Variants in NCOA2 observed in about 807,000 individuals in gnomAD.
The protein encoded by NCOA2 is class E basic helix-loop-helix protein 75.
In NCOA2, 21 loss-of-function variants were observed where a neutral mutation model predicts 145.1. The ratio of observed to expected loss-of-function variants is 0.14; its 90% CI spans 0.10 to 0.21. NCOA2 has a LOEUF of 0.21. Among genes scored for constraint, NCOA2 ranks in the 10% least tolerant of loss-of-function variants. The pLI is 1.00. For synonymous variants in NCOA2, 619 were observed against 637.5 expected, an observed-to-expected ratio of 0.97 and a Z score of 0.44; for missense variants, 1,472 against 1,837.6, an observed-to-expected ratio of 0.80 and a Z score of 3.64.
In NCOA2 at chr8:70,124,834, A is replaced by G. The variant is rs1183534594; in HGVS notation, c.3948T>C (p.Thr1316=). ...GISQQPDPGF[T]GATTPQSPLM... is the part of the protein sequence containing the mutation. ...GTGGGCTCTGGGGAGTCGTAGCCCC[A>G]GTAAAGCCTGGATCAGGTTGCTGAC... The change falls in exon 20 of 23, where the codon ACT becomes ACC. Residue 1316 remains threonine (T), a synonymous_variant. Coordinates refer to ENST00000452400, the MANE Select transcript of NCOA2 (RefSeq NM_006540.4). 6.2e-7 allele frequency: 1 copy of G among 1,604,934 alleles called. No homozygotes were observed. The highest frequency in any genetic ancestry group is 1.7e-5 in the Admixed American group (1 of 57,464).
At chr8:70,124,896 A>G (rs3736661) in intron 19 of NCOA2, 31 bp from the exon 20 acceptor site, 86,391 of 1,549,750 alleles carry the variant, frequency 0.056, 2,962 homozygotes, top group East Asian at 0.13. Flanking sequence ...CAGAAATCCA[A>G]AAGAGACTGT....
chr8:70,169,573 G>T (rs1043428725), intron 6 of NCOA2, among the ~76,000 whole-genome samples: 1 of 152,194 alleles, frequency 6.6e-6, no homozygotes, highest in African/African-American at 2.4e-5. Context: ...AACAAAGTTG[G>T]CTAGCATGGA....
At position 70,149,776 on chromosome 8, in the gene NCOA2, T is replaced by C. The variant is rs1355734616; in HGVS notation, c.2395-1293A>G. On this transcript the variant is annotated intron_variant, in intron 11 of 22. Coordinates refer to ENST00000452400, the MANE Select transcript of NCOA2 (RefSeq NM_006540.4). ...TAGGATTGCTTTCTAGTGCAGAAAG[T>C]AGTACGAACGATTTTCTTGATGTGT... 3.3e-5 allele frequency among the ~76,000 whole-genome samples: 5 copies of C among 152,280 alleles called. No individual in the cohort carries two copies. In the East Asian group the frequency reaches 7.7e-4, roughly 24 times the overall value.
the NCOA2 span, among the ~76,000 whole-genome samples, chr8:70,437,726 G>A: frequency 1.3e-5 from 2 of 151,914 alleles, no homozygotes; most frequent in African/African-American, 4.8e-5. Context: ...TTTTTTGCCT[G>A]TAAGCATCAG....
chr8:70,109,952 C>T lies in NCOA2; in HGVS notation c.*3680G>A, dbSNP rs1806398845. On this transcript the variant is annotated 3_prime_UTR_variant, in exon 23 of 23. Transcript: ENST00000452400. ...TATATCTACCTTTGCATAAACTGCT[C>T]ACACTAGAAATACAAACATCAATGC... The T allele has an allele frequency of 5.2e-6, 1 of 190,776 alleles. No homozygotes were observed. The highest frequency in any genetic ancestry group is 2.3e-5 in the African/African-American group (1 of 43,020). The allele number at this position is 190,776 out of a possible 1,614,324, so 11.8% of individuals were successfully genotyped here. A position where few individuals can be genotyped will look rare whatever the true frequency, so the allele number is the denominator to read the frequency against.
intron 1 of NCOA2, chr8:70,357,227 T>A (rs1342675846): frequency 6.6e-6 from 1 of 151,758 alleles, no homozygotes; most frequent in Non-Finnish European, 1.5e-5. Context: ...ATGCCAGCAA[T>A]GAACAATCCA....
At chr8:70,241,954 CAT>C (rs143282915) in intron 2 of NCOA2, among the ~76,000 whole-genome samples, 4,649 of 151,928 alleles carry the variant, frequency 0.031, 96 homozygotes, top group South Asian at 0.065. Flanking sequence ...GTAAAAATGA[CAT>C]ATAAAAATGG....
At chr8:70,198,850 C>T (rs892078076) in intron 4 of NCOA2, among the ~76,000 whole-genome samples, 3 of 152,156 alleles carry the variant, frequency 2.0e-5, no homozygotes, top group South Asian at 2.1e-4. Context: ...GAGGAGAAAA[C>T]GGGTTTGGTT....
intron 1 of NCOA2, among the ~76,000 whole-genome samples, chr8:70,350,115 G>A (rs1233335495): frequency 6.6e-6 from 1 of 152,100 alleles, no homozygotes; most frequent in Non-Finnish European, 1.5e-5. Context: ...TATCTTGGGT[G>A]TGTATAAGGT....
rs1824605873 is a variant in NCOA2 at position 70,266,488 on chromosome 8, A to C, written c.-20+30256T>G. Among the ~76,000 whole-genome samples the C allele has an allele frequency of 2.0e-5, 3 of 152,174 alleles. No homozygotes were observed. The South Asian group carries it at 6.2e-4, about 32-fold the overall frequency. ...AGCCTGGCTCAAAGCGGTTATTTCT[A>C]ACTGTACCTTCCATTACTCTATATA... On this transcript the variant is annotated intron_variant, in intron 2 of 22. Coordinates refer to ENST00000452400, the MANE Select transcript of NCOA2 (RefSeq NM_006540.4).
chr8:70,139,786 G>A (rs56933287), intron 14 of NCOA2, among the ~76,000 whole-genome samples: 16,063 of 151,064 alleles, frequency 0.11, 1,297 homozygotes, highest in East Asian at 0.41. Flanking sequence ...CTGAGTAGCT[G>A]GGATTACAGG....
intron 1 of NCOA2, among the ~76,000 whole-genome samples, chr8:70,401,102 TACAC>T (rs146658541): frequency 3.3e-5 from 5 of 150,068 alleles, no homozygotes; most frequent in South Asian, 4.2e-4. Flanking sequence ...CACACACACA[TACAC>T]ACACACACAC....
At chr8:70,249,977 A>AAAAAAGAAGAAG (rs751876043) in intron 2 of NCOA2, among the ~76,000 whole-genome samples, 7 of 137,978 alleles carry the variant, frequency 5.1e-5, no homozygotes, top group African/African-American at 1.9e-4. Context: ...AAAAAAAAAA[A>AAAAAAGAAGAAG]AAGAAGAAGA....
In NCOA2 at chr8:70,346,067, T is replaced by A. The variant is rs574988643; in HGVS notation, c.-76-49267A>T. On this transcript the variant is annotated intron_variant, in intron 1 of 22. Transcript: ENST00000452400. ...TATATAAAATATCCTAATCAAGAAA[T>A]AATCAACTTGCTTGTGTTCACAAAC... 9.8e-5 allele frequency among the ~76,000 whole-genome samples: 15 copies of A among 152,346 alleles called. No individual in the cohort carries two copies. In the East Asian group the frequency reaches 2.3e-3, roughly 23 times the overall value.
chr8:70,110,026 AC>A lies in NCOA2; in HGVS notation c.*3605del, dbSNP rs1806404928. On this transcript the variant is annotated 3_prime_UTR_variant, in exon 23 of 23. Coordinates refer to ENST00000452400, the MANE Select transcript of NCOA2 (RefSeq NM_006540.4). Reference sequence around the variant, plus strand: ...GTCAACTCCATTTTGAAAATAAATCACAACCTGAAACACTGTAAGCTTTCTC... The same window carrying A: ...GTCAACTCCATTTTGAAAATAAATCAAACCTGAAACACTGTAAGCTTTCTC... 1 of 194,546 alleles carries A rather than the reference AC, an allele frequency of 5.1e-6. No individual in the cohort carries two copies. The highest frequency in any genetic ancestry group is 6.1e-5 in the Admixed American group (1 of 16,410). 12.1% of individuals were successfully genotyped at this position (194,546 alleles called of 1,614,324 possible).
intron 1 of NCOA2, among the ~76,000 whole-genome samples, chr8:70,400,805 G>A (rs963778561): frequency 1.7e-4 from 26 of 152,094 alleles, no homozygotes; most frequent in African/African-American, 5.1e-4. Context: ...GTAAGATTTG[G>A]CAAATACTGT....
chr8:70,183,214 GAAAAA>G (rs566030783), intron 4 of NCOA2, among the ~76,000 whole-genome samples: 1 of 151,708 alleles, frequency 6.6e-6, no homozygotes, highest in South Asian at 2.1e-4. Context: ...ATGAAAGAAG[GAAAAA>G]AAATCAATGG....
intron 2 of NCOA2, among the ~76,000 whole-genome samples, chr8:70,295,199 A>G (rs1452267541): frequency 6.6e-6 from 1 of 152,220 alleles, no homozygotes; most frequent in African/African-American, 2.4e-5. Flanking sequence ...ACCTTTGATA[A>G]TGAGTTCAAA....
intron 2 of NCOA2, 140 bp from the exon 3 acceptor site, chr8:70,216,904 G>A (rs1461266030): frequency 3.5e-6 from 2 of 572,672 alleles, no homozygotes; most frequent in African/African-American, 3.7e-5. Flanking sequence ...TTATGTGCAT[G>A]TATAATTTCT....
Sources: allele counts gnomAD v4.1 joint callset (sites outside exome capture counted in the v4.1 genomes callset), GRCh38; gene constraint gnomAD v4.1.1; transcripts MANE v1.5; gene names NCBI Gene and HGNC (gene_info 2026-07-23, HGNC 2026-07-21).